UNC13C: variants seen among roughly 807,000 people sequenced by gnomAD.
UNC13C encodes protein unc-13 homolog C.
Under a neutral mutation model 245.4 loss-of-function variants are expected in UNC13C, and 174 were observed. The ratio of observed to expected loss-of-function variants is 0.71; its 90% CI spans 0.63 to 0.80. The LOEUF (loss-of-function observed/expected upper bound fraction) is 0.80. Among genes scored for constraint, UNC13C ranks in the 30% least tolerant of loss-of-function variants. The pLI, the probability that UNC13C is intolerant of heterozygous loss-of-function variation, is 0.00. For missense variants in UNC13C, 2,829 were observed against 2,602.9 expected, an observed-to-expected ratio of 1.09 and a Z score of -1.89; for synonymous variants, 992 against 895.1, an observed-to-expected ratio of 1.11 and a Z score of -1.93.
chr15:54,282,815 A>G (rs1002554879), intron 10 of UNC13C, among the ~76,000 whole-genome samples: 1 of 152,110 alleles, frequency 6.6e-6, no homozygotes, highest in African/African-American at 2.4e-5. Context: ...CTCTCAGCGG[A>G]GAGGGGAGCT....
intron 30 of UNC13C, among the ~76,000 whole-genome samples, chr15:54,579,816 G>T (rs1175779785): frequency 6.6e-6 from 1 of 152,162 alleles, no homozygotes; most frequent in South Asian, 2.1e-4. Flanking sequence ...ATTGCTTTGT[G>T]AGTAGCACAA....
At chr15:54,216,058 A>G (rs2035029578) in intron 4 of UNC13C, among the ~76,000 whole-genome samples, 1 of 151,920 alleles carries the variant, frequency 6.6e-6, no homozygotes, top group Non-Finnish European at 1.5e-5. Flanking sequence ...AAATATAAAG[A>G]TGCAAATGAG....
rs1055778559 is a variant in UNC13C at position 54,290,494 on chromosome 15, T to G, written c.3819-3401T>G. Among the ~76,000 whole-genome samples the G allele has an allele frequency of 2.0e-5, 3 of 152,068 alleles. No individual in the cohort carries two copies. In the South Asian group the frequency reaches 6.2e-4, roughly 31 times the overall value. ...AGTACACTTATACAAGGAACATCAG[T>G]GGTCATTTATAGTTGTCCTTCATCT... is the stretch of plus-strand genomic sequence containing the variant. On this transcript the variant is annotated intron_variant, in intron 10 of 32. Coordinates refer to ENST00000260323, the MANE Select transcript of UNC13C (RefSeq NM_001080534.3).
chr15:54,250,267 C>T lies in UNC13C; in HGVS notation c.3271C>T (p.Pro1091Ser). The change falls in exon 8 of 33, where the codon CCT becomes TCT. Residue 1091 changes from proline to serine, a missense_variant. Coordinates refer to ENST00000260323, the MANE Select transcript of UNC13C (RefSeq NM_001080534.3). ...GAAGACCTTGCAGGCACTGATCTACCCTATGTCTTCTACCATCCCACACAA... is the reference window on the plus strand; with the variant it reads ...GAAGACCTTGCAGGCACTGATCTACTCTATGTCTTCTACCATCCCACACAA... ...FKKTLQALIY[P>S]MSSTIPHNFE... 1.2e-6 allele frequency: 2 copies of T among 1,613,880 alleles called. No individual in the cohort carries two copies. Among genetic ancestry groups the T allele is most frequent in the Non-Finnish European group, 1.7e-6 (2 of 1,179,870 alleles).
At chr15:54,488,769 C>A (rs1016568565) in intron 19 of UNC13C, among the ~76,000 whole-genome samples, 1 of 152,178 alleles carries the variant, frequency 6.6e-6, no homozygotes, top group East Asian at 1.9e-4. Flanking sequence ...ATTCACATTT[C>A]TCATTGAAAT....
intron 18 of UNC13C, among the ~76,000 whole-genome samples, chr15:54,407,238 T>A (rs2040312810): frequency 6.6e-6 from 1 of 152,080 alleles, no homozygotes; most frequent in African/African-American, 2.4e-5. Context: ...ACTAATTGAT[T>A]AGTGCAATTA....
chr15:54,275,304 G>A (rs1401807221), intron 10 of UNC13C, among the ~76,000 whole-genome samples: 1 of 152,120 alleles, frequency 6.6e-6, no homozygotes, highest in Non-Finnish European at 1.5e-5. Context: ...GGAGATTTGT[G>A]TTGATAGCAA....
the UNC13C span, among the ~76,000 whole-genome samples, chr15:53,875,203 T>G: frequency 5.9e-5 from 9 of 152,318 alleles, no homozygotes; most frequent in Admixed American, 5.9e-4. Context: ...CAATTTAGCT[T>G]ATTGAAAATG....
intron 19 of UNC13C, among the ~76,000 whole-genome samples, chr15:54,471,123 A>G (rs1490877320): frequency 1.3e-5 from 2 of 151,548 alleles, no homozygotes; most frequent in African/African-American, 4.8e-5. Context: ...TTGTGGCCTA[A>G]TATTTGATCT....
the UNC13C span, among the ~76,000 whole-genome samples, chr15:53,936,551 C>T: frequency 6.6e-6 from 1 of 152,244 alleles, no homozygotes; most frequent in East Asian, 1.9e-4. Flanking sequence ...AAGTGAGACC[C>T]TGGTCCCATT....
intron 24 of UNC13C, among the ~76,000 whole-genome samples, chr15:54,520,341 G>A (rs1895160407): frequency 6.6e-6 from 1 of 152,086 alleles, no homozygotes; most frequent in Non-Finnish European, 1.5e-5. Flanking sequence ...CAAATCAGAG[G>A]AAATAAGAAG....
intron 18 of UNC13C, among the ~76,000 whole-genome samples, chr15:54,399,736 C>G (rs2040143482): frequency 6.6e-6 from 1 of 151,734 alleles, no homozygotes; most frequent in Non-Finnish European, 1.5e-5. Flanking sequence ...ATGTGATGAG[C>G]CAGAACATTA....
At chr15:54,576,579 CT>C (rs1897964518) in intron 30 of UNC13C, among the ~76,000 whole-genome samples, 1 of 152,200 alleles carries the variant, frequency 6.6e-6, no homozygotes, top group Non-Finnish European at 1.5e-5. Flanking sequence ...AACAGAGGAA[CT>C]GACGTTGTAG....
At chr15:54,151,684 G>A (rs535425361) in intron 4 of UNC13C, among the ~76,000 whole-genome samples, 2 of 152,244 alleles carry the variant, frequency 1.3e-5, no homozygotes, top group South Asian at 2.1e-4. Flanking sequence ...GATGATACGA[G>A]TGAGCCACAG....
chr15:53,931,874 G>A, the UNC13C span, among the ~76,000 whole-genome samples: 47,851 of 151,694 alleles, frequency 0.32, 7,608 homozygotes, highest in Non-Finnish European at 0.33. Flanking sequence ...TCATATCGTA[G>A]GCATGAAATC....
At chr15:54,416,992 ACCT>A (rs1300995349) in intron 19 of UNC13C, 4 of 456,284 alleles carry the variant, frequency 8.8e-6, no homozygotes, top group African/African-American at 2.0e-5. Flanking sequence ...AGCTACTGAC[ACCT>A]CCTCAGAGAA....
rs1448841435 is a variant in UNC13C, at chr15:54,555,477, T to C, written c.5923T>C (p.Cys1975Arg). The change falls in exon 29 of 33, where the codon TGC (cysteine) becomes CGC (arginine). Residue 1975 changes from cysteine (C) to arginine (R), a missense_variant. By Grantham distance (180) the Cys-to-Arg change is radical. Coordinates refer to ENST00000260323, the MANE Select transcript of UNC13C (RefSeq NM_001080534.3). ...TGCCAGGGGTCTGACGCCAAGACAA[T>C]GCGCTATAATGGAGGTAGTCCTGGC... ...EDARGLTPRQCAIMEVVLATI... is the reference protein window; with the variant it reads ...EDARGLTPRQRAIMEVVLATI... 6.2e-7 allele frequency: 1 copy of C among 1,612,342 alleles called. No homozygotes were observed.
intron 7 of UNC13C, among the ~76,000 whole-genome samples, chr15:54,245,908 G>A (rs1293021158): frequency 6.6e-6 from 1 of 152,096 alleles, no homozygotes; most frequent in Admixed American, 6.6e-5. Flanking sequence ...ACAGGATGAG[G>A]AGGGAAATAG....
At chr15:54,581,464 G>A (rs937384006) in intron 30 of UNC13C, among the ~76,000 whole-genome samples, 2 of 152,196 alleles carry the variant, frequency 1.3e-5, no homozygotes. Flanking sequence ...CATTTCTGAT[G>A]AGGGCTCTCC....
Sources: allele counts gnomAD v4.1 joint callset (sites outside exome capture counted in the v4.1 genomes callset), GRCh38; gene constraint gnomAD v4.1.1; transcripts MANE v1.5; gene names NCBI Gene and HGNC (gene_info 2026-07-23, HGNC 2026-07-21).